The following DNAL1 variants were observed in gnomAD, a reference collection of about 807,000 sequenced individuals.
The protein encoded by DNAL1 is chromosome 14 open reading frame 168.
Under a neutral mutation model 29.4 loss-of-function variants are expected in DNAL1, and 17 were observed. That is an observed-to-expected ratio of 0.58 (90% CI 0.40 to 0.87). DNAL1 has a LOEUF of 0.87. Ranked by LOEUF, DNAL1 falls within the 40% of genes least tolerant of loss-of-function variation. The pLI, the probability that DNAL1 is intolerant of heterozygous loss-of-function variation, is 0.00. For missense variants in DNAL1, 188 were observed against 214.1 expected, an observed-to-expected ratio of 0.88 and a Z score of 0.76; for synonymous variants, 78 against 76.3, an observed-to-expected ratio of 1.02 and a Z score of -0.12.
intron 5 of DNAL1, among the ~76,000 whole-genome samples, chr14:73,681,633 A>AAAAAATATAT (rs1555402645): frequency 2.8e-5 from 1 of 35,424 alleles, no homozygotes; most frequent in African/African-American, 2.2e-4. Context: ...AAAAAAAAAA[A>AAAAAATATAT]ATATATATAT....
intron 6 of DNAL1, among the ~76,000 whole-genome samples, chr14:73,688,180 A>G (rs1443363694): frequency 6.6e-6 from 1 of 152,202 alleles, no homozygotes; most frequent in Non-Finnish European, 1.5e-5. Context: ...TTTTTATTGT[A>G]TATAATTCAT....
At chr14:73,691,634 G>A (rs147771770) in intron 7 of DNAL1, among the ~76,000 whole-genome samples, 2 of 152,100 alleles carry the variant, frequency 1.3e-5, no homozygotes, top group African/African-American at 2.4e-5. Context: ...AATATAAATC[G>A]ACCTCATTTT....
intron 1 of DNAL1, among the ~76,000 whole-genome samples, chr14:73,647,998 T>C (rs1441484421): frequency 6.6e-6 from 1 of 152,072 alleles, no homozygotes; most frequent in African/African-American, 2.4e-5. Context: ...TTCGTTTTGA[T>C]ACAGAGTCTC....
intron 1 of DNAL1, among the ~76,000 whole-genome samples, chr14:73,647,384 A>T (rs1033942484): frequency 4.7e-5 from 7 of 149,822 alleles, no homozygotes; most frequent in African/African-American, 1.7e-4. Context: ...AAAAAAAAGA[A>T]AAAGAAAAAG....
intron 7 of DNAL1, among the ~76,000 whole-genome samples, chr14:73,691,700 C>T (rs891181010): frequency 6.6e-6 from 1 of 151,962 alleles, no homozygotes; most frequent in Admixed American, 6.6e-5. Flanking sequence ...GAAATTCAGT[C>T]TGTCATTCTT....
intron 4 of DNAL1, among the ~76,000 whole-genome samples, chr14:73,666,325 T>C (rs928880109): frequency 2.8e-4 from 43 of 152,202 alleles, no homozygotes; most frequent in Non-Finnish European, 1.5e-4. Context: ...GATATGACTA[T>C]GTTCAAACCA....
chr14:73,649,546 T>G (rs1280473456), intron 1 of DNAL1, among the ~76,000 whole-genome samples: 1 of 152,030 alleles, frequency 6.6e-6, no homozygotes, highest in East Asian at 1.9e-4. Flanking sequence ...CCTCCCAAAG[T>G]GCTGGGATTA....
intron 5 of DNAL1, among the ~76,000 whole-genome samples, chr14:73,683,185 C>T (rs922277745): frequency 5.3e-5 from 8 of 151,812 alleles, no homozygotes; most frequent in African/African-American, 9.7e-5. Context: ...CTACAGTTAG[C>T]TTTTTTTTAA....
In DNAL1 at chr14:73,676,600, G is replaced by A. The variant is rs1289697627; in HGVS notation, c.264+5003G>A. 2.0e-5 allele frequency among the ~76,000 whole-genome samples: 3 copies of A among 152,104 alleles called. No individual in the cohort carries two copies. The East Asian group carries it at 5.8e-4, about 29-fold the overall frequency. On this transcript the variant is annotated intron_variant, in intron 5 of 7. Transcript: ENST00000553645. ...AAAAATAGCTGTGTAGTTTTCTACAGTATCAGTATACAATCATGTATTTAA... is the reference window on the plus strand; with the variant it reads ...AAAAATAGCTGTGTAGTTTTCTACAATATCAGTATACAATCATGTATTTAA...
intron 2 of DNAL1, among the ~76,000 whole-genome samples, chr14:73,658,234 G>T (rs1448509073): frequency 6.6e-6 from 1 of 152,126 alleles, no homozygotes; most frequent in Non-Finnish European, 1.5e-5. Context: ...CTTATTTCTG[G>T]ATTCTCCATT....
In DNAL1 at chr14:73,699,029, T is replaced by A. The variant is rs1257970295; in HGVS notation, c.*3087T>A. 6.6e-6 allele frequency: 1 copy of A among 152,226 alleles called. No homozygotes were observed. Among genetic ancestry groups the A allele is most frequent in the East Asian group, 1.9e-4 (1 of 5,204 alleles). 9.4% of individuals were successfully genotyped at this position (152,226 alleles called of 1,614,324 possible). On this transcript the variant is annotated 3_prime_UTR_variant, in exon 8 of 8. Transcript: ENST00000553645. ...GGGCTGTCCTGTGTGCTTAGGATGT[T>A]CAGCTGCAGCCCTGGCCTCTACCCA...
At position 73,695,954 on chromosome 14, in the gene DNAL1, C is replaced by G; in HGVS notation, c.*12C>G. On this transcript the variant is annotated 3_prime_UTR_variant, in exon 8 of 8. Coordinates refer to ENST00000553645, the MANE Select transcript of DNAL1 (RefSeq NM_031427.4). ...AAGAAGACAACTAATGCCACGCTTT[C>G]CACTGTGTGTTAACTTATTTAAATG... The G allele has an allele frequency of 6.3e-7, 1 of 1,583,486 alleles. No homozygotes were observed. Among genetic ancestry groups the G allele is most frequent in the Non-Finnish European group, 8.6e-7 (1 of 1,162,800 alleles).
chr14:73,679,760 A>G (rs1891832843), intron 5 of DNAL1, among the ~76,000 whole-genome samples: 1 of 151,306 alleles, frequency 6.6e-6, no homozygotes, highest in South Asian at 2.1e-4. Flanking sequence ...TTTACATAGA[A>G]GGTCTTAGGT....
chr14:73,655,635 C>CCGCG (rs1663808709), intron 2 of DNAL1, among the ~76,000 whole-genome samples: 1 of 152,046 alleles, frequency 6.6e-6, no homozygotes, highest in South Asian at 2.1e-4. Context: ...GAGTGAACCA[C>CCGCG]CGCGCCCGGC....
intron 1 of DNAL1, among the ~76,000 whole-genome samples, chr14:73,653,572 G>A (rs1891153628): frequency 6.6e-6 from 1 of 151,906 alleles, no homozygotes; most frequent in Non-Finnish European, 1.5e-5. Flanking sequence ...TGCCCAGGCT[G>A]GTATTGAACT....
At chr14:73,654,811 T>C (rs1891175890) in intron 1 of DNAL1, 36 bp from the exon 2 acceptor site, 3 of 1,502,374 alleles carry the variant, frequency 2.0e-6, no homozygotes, top group Non-Finnish European at 1.8e-6. Context: ...CATACAACTT[T>C]GTTTTTTCTT....
chr14:73,680,744 C>T (rs190078748), intron 5 of DNAL1, among the ~76,000 whole-genome samples: 4 of 152,222 alleles, frequency 2.6e-5, no homozygotes, highest in East Asian at 1.9e-4. Context: ...ATTAGGCAAT[C>T]GTTGTTGTGT....
rs539305164 is a variant in DNAL1, at chr14:73,689,910, C to T, written c.532+395C>T. Among the ~76,000 whole-genome samples, 75 of 151,938 alleles carry T rather than the reference C, an allele frequency of 4.9e-4. 1 individual carries two copies. The highest frequency in any genetic ancestry group is 1.8e-3 in the African/African-American group (73 of 41,458). On this transcript the variant is annotated intron_variant, in intron 7 of 7. Coordinates refer to ENST00000553645, the MANE Select transcript of DNAL1 (RefSeq NM_031427.4). ...AATTAGCCAGGCGTGGTGGCGGGCA[C>T]CTGTAATCCCAGCTACTCGGGAGGC... is the stretch of plus-strand genomic sequence containing the variant.
rs1239350342 is a variant in DNAL1, at chr14:73,682,866, GTTATTTTTTTT to G, written c.265-4390_265-4380del. The stretch of plus-strand genomic sequence containing the variant: ...AGGACCTGTCTGAGGCTGTTTTATA[GTTATTTTTTTT>G]TTTTTTTTTTTTTTTTTAGTTGGAG... On this transcript the variant is annotated intron_variant, in intron 5 of 7. Transcript: ENST00000553645. Among the ~76,000 whole-genome samples, 82 of 113,866 alleles carry G rather than the reference GTTATTTTTTTT, an allele frequency of 7.2e-4. 1 individual carries two copies. The highest frequency in any genetic ancestry group is 2.8e-3 in the African/African-American group (76 of 27,080). The allele number at this position is 113,866 out of a possible 152,430, so 74.7% of individuals were successfully genotyped here.
Sources: gnomAD v4.1 joint callset for allele counts (sites outside exome capture counted in the v4.1 genomes callset) on GRCh38, gnomAD v4.1.1 for gene constraint, MANE v1.5 for transcripts, NCBI Gene and HGNC (gene_info 2026-07-23, HGNC 2026-07-21) for gene names.